Variants in SLC5A11 observed in about 807,000 individuals in gnomAD.
SLC5A11 encodes the protein sodium/myo-inositol cotransporter 2.
SLC5A11 carries 48 observed loss-of-function variants against 69.8 expected under a neutral mutation model. The ratio of observed to expected loss-of-function variants is 0.69; its 90% CI spans 0.55 to 0.87. The LOEUF (loss-of-function observed/expected upper bound fraction) is 0.87, where lower values mean the gene tolerates loss of function less well. Among genes scored for constraint, SLC5A11 ranks in the 40% least tolerant of loss-of-function variants. The pLI is 0.00. For missense variants in SLC5A11, 784 were observed against 866.1 expected, an observed-to-expected ratio of 0.91 and a Z score of 1.19; for synonymous variants, 319 against 342.4, an observed-to-expected ratio of 0.93 and a Z score of 0.75.
chr16:24,850,140 G>A (rs1175329867), intron 1 of SLC5A11, among the ~76,000 whole-genome samples: 1 of 151,822 alleles, frequency 6.6e-6, no homozygotes, highest in African/African-American at 2.4e-5. Context: ...AAAAAAAAAA[G>A]GGTCTCACTA....
chr16:24,905,640 GCACACACACACACACACACA>G (rs56335988), intron 10 of SLC5A11, among the ~76,000 whole-genome samples: 3 of 136,780 alleles, frequency 2.2e-5, no homozygotes, highest in East Asian at 4.3e-4. Flanking sequence ...GCGCGCGCGC[GCACACACACACACACACACA>G]CACACACACA....
intron 2 of SLC5A11, among the ~76,000 whole-genome samples, chr16:24,859,714 A>T (rs1567578065): frequency 6.6e-6 from 1 of 152,152 alleles, no homozygotes; most frequent in Non-Finnish European, 1.5e-5. Context: ...ATCTTTTCAC[A>T]TTAGCACGTA....
At chr16:24,876,203 A>G (rs943684257) in intron 6 of SLC5A11, among the ~76,000 whole-genome samples, 1 of 147,650 alleles carries the variant, frequency 6.8e-6, no homozygotes, top group African/African-American at 2.4e-5. Context: ...GTCAAAAAAA[A>G]GAAAAAAAAA....
At chr16:24,856,702 C>T (rs1316623509) in intron 1 of SLC5A11, among the ~76,000 whole-genome samples, 4 of 149,714 alleles carry the variant, frequency 2.7e-5, no homozygotes, top group Admixed American at 2.0e-4. Flanking sequence ...ACCGGGGAGG[C>T]AGAGCTTGTA....
intron 3 of SLC5A11, among the ~76,000 whole-genome samples, chr16:24,868,667 A>G (rs903480381): frequency 6.6e-6 from 1 of 152,078 alleles, no homozygotes; most frequent in Non-Finnish European, 1.5e-5. Flanking sequence ...AATCAAAAGA[A>G]TATGATACTG....
intron 5 of SLC5A11, among the ~76,000 whole-genome samples, chr16:24,874,692 C>G (rs2047554543): frequency 6.6e-6 from 1 of 152,014 alleles, no homozygotes; most frequent in Admixed American, 6.6e-5. Context: ...TCACTCCGTC[C>G]CCCACCACAC....
exon 14 of SLC5A11, chr16:24,908,956 C>G: frequency 1.9e-6 from 3 of 1,614,078 alleles, no homozygotes; most frequent in Non-Finnish European, 2.5e-6. Context: ...TTACGTGCAG[C>G]CTCGATGCGA....
chr16:24,879,360 C>T (rs775592418), intron 7 of SLC5A11, among the ~76,000 whole-genome samples: 19 of 152,104 alleles, frequency 1.2e-4, no homozygotes, highest in Non-Finnish European at 2.4e-4. Flanking sequence ...TGGTATCCCC[C>T]TCCCTCTCCC....
chr16:24,888,478 C>CTTTTTTTTTTT (rs891552223), intron 8 of SLC5A11, among the ~76,000 whole-genome samples: 3 of 81,402 alleles, frequency 3.7e-5, no homozygotes, highest in East Asian at 3.9e-4. Flanking sequence ...GTATCTATTT[C>CTTTTTTTTTTT]TTTTTTTTTT....
chr16:24,875,654 A>T lies in SLC5A11; in HGVS notation c.400A>T (p.Lys134Ter). ...CACCACGATGCCAGAATACCTACGG[A>T]AGCGCTTCGGTGGCATCAGAATCCC... is the stretch of plus-strand genomic sequence containing the variant. The change falls in exon 6 of 16, where the codon AAG becomes TAG. Residue 134 changes from lysine (K) to a stop codon, truncating the protein, a stop_gained. Transcript: ENST00000347898. LOFTEE classifies it high-confidence loss of function. 6.2e-7 allele frequency: 1 copy of T among 1,613,900 alleles called. No homozygotes were observed. The highest frequency in any genetic ancestry group is 8.5e-7 in the Non-Finnish European group (1 of 1,179,984).
intron 5 of SLC5A11, 135 bp downstream of exon 6, chr16:24,872,354 G>C (rs886329753): frequency 1.0e-6 from 1 of 993,232 alleles, no homozygotes; most frequent in Admixed American, 1.8e-5. Context: ...AGAGGCCCCA[G>C]TAAAGGGGAG....
chr16:24,900,935 A>AAAAAG (rs1567682312), intron 10 of SLC5A11, among the ~76,000 whole-genome samples: 4 of 149,222 alleles, frequency 2.7e-5, no homozygotes, highest in Admixed American at 6.7e-5. Context: ...AAAAAAAAAA[A>AAAAAG]AAAAGGAAAG....
chr16:24,905,648 A>AGTG (rs1567695697), intron 10 of SLC5A11, among the ~76,000 whole-genome samples: 2 of 129,288 alleles, frequency 1.5e-5, no homozygotes, highest in Non-Finnish European at 3.5e-5. Context: ...GCGCACACAC[A>AGTG]CACACACACA....
chr16:24,874,300 A>C (rs908914564), intron 5 of SLC5A11, among the ~76,000 whole-genome samples: 6 of 152,162 alleles, frequency 3.9e-5, no homozygotes, highest in Admixed American at 2.0e-4. Context: ...CATTTTTATA[A>C]ATGTGTTCTT....
Position 24,878,449 on chromosome 16 carries a change from T to C in SLC5A11, c.583+1086T>C, listed in dbSNP as rs547892865. 3.9e-5 allele frequency among the ~76,000 whole-genome samples: 6 copies of C among 152,314 alleles called. No individual in the cohort carries two copies. In the South Asian group the frequency reaches 6.2e-4, roughly 16 times the overall value. ...CTCATCTTCCACTCTATTTTCACCCTTTTCCGCCTCCTCTTGGCTTGATAT... is the reference window on the plus strand; with the variant it reads ...CTCATCTTCCACTCTATTTTCACCCCTTTCCGCCTCCTCTTGGCTTGATAT... On this transcript the variant is annotated intron_variant, in intron 7 of 15. Transcript: ENST00000347898.
intron 14 of SLC5A11, among the ~76,000 whole-genome samples, chr16:24,909,742 T>C (rs1241837842): frequency 1.3e-5 from 2 of 148,936 alleles, no homozygotes; most frequent in Admixed American, 1.3e-4. Flanking sequence ...GGCAGGAGGA[T>C]TGCTTCAGCC....
chr16:24,860,420 C>T (rs1425064348), intron 2 of SLC5A11, among the ~76,000 whole-genome samples: 1 of 152,084 alleles, frequency 6.6e-6, no homozygotes, highest in Non-Finnish European at 1.5e-5. Flanking sequence ...TGTGCCATTG[C>T]GCTCCAGCTT....
intron 7 of SLC5A11, among the ~76,000 whole-genome samples, chr16:24,880,707 A>G (rs1221491918): frequency 6.6e-6 from 1 of 152,002 alleles, no homozygotes; most frequent in African/African-American, 2.4e-5. Flanking sequence ...ATGGTGCTGA[A>G]TCATTAAAAT....
intron 10 of SLC5A11, among the ~76,000 whole-genome samples, chr16:24,906,256 A>G (rs797021163): frequency 1.3e-5 from 2 of 151,124 alleles, no homozygotes; most frequent in South Asian, 2.1e-4. Context: ...CAGGAGAATC[A>G]CTTGAACCTG....
Sources: allele counts gnomAD v4.1 joint callset (sites outside exome capture counted in the v4.1 genomes callset), GRCh38; gene constraint gnomAD v4.1.1; transcripts MANE v1.5; gene names NCBI Gene and HGNC (gene_info 2026-07-23, HGNC 2026-07-21).